The following ITGAM variants were observed in gnomAD, a reference collection of about 807,000 sequenced individuals.
ITGAM encodes the protein integrin subunit alpha M, also known as integrin alpha-M.
In ITGAM, 79 loss-of-function variants were observed where a neutral mutation model predicts 137.5. The observed-to-expected ratio is 0.57, with a 90% CI of 0.48 to 0.69. ITGAM has a LOEUF of 0.69. Among genes scored for constraint, ITGAM ranks in the 30% least tolerant of loss-of-function variants. The pLI, the probability that ITGAM is intolerant of heterozygous loss-of-function variation, is 0.00. For missense variants in ITGAM, 1,343 were observed against 1,483.5 expected (o/e 0.91, Z 1.56); for synonymous variants, 583 against 592.3 (o/e 0.98, Z 0.23).
chr16:31,311,863 T>C (rs1277102089), intron 14 of ITGAM, among the ~76,000 whole-genome samples: 2 of 151,984 alleles, frequency 1.3e-5, no homozygotes, highest in Non-Finnish European at 2.9e-5. Flanking sequence ...CTATTCACAA[T>C]AGCAAAGACT....
rs147106359 is a variant in ITGAM at position 31,284,394 on chromosome 16, C to T, written c.1356+6285C>T. ...CTCCACCCAGTTCGAACTTCCTGGCCGCTTTGTTTACCTACTCAAGCCTCA... is the reference window on the plus strand; with the variant it reads ...CTCCACCCAGTTCGAACTTCCTGGCTGCTTTGTTTACCTACTCAAGCCTCA... On this transcript the variant is annotated intron_variant, in intron 12 of 29. Coordinates refer to ENST00000544665, the MANE Select transcript of ITGAM (RefSeq NM_000632.4). Among the ~76,000 whole-genome samples, 15 of 152,244 alleles carry T rather than the reference C, an allele frequency of 9.9e-5. No homozygotes were observed. The East Asian group carries it at 1.5e-3, about 16-fold the overall frequency.
chr16:31,297,859 G>A lies in ITGAM; in HGVS notation c.1612G>A (p.Val538Met), dbSNP rs1235616243. 4 of 1,614,042 alleles carry A rather than the reference G, an allele frequency of 2.5e-6. No homozygotes were observed. Among genetic ancestry groups the A allele is most frequent in the African/African-American group, 2.7e-5 (2 of 75,032 alleles). The change falls in exon 14 of 30, where the codon GTG becomes ATG. Residue 538 changes from valine to methionine, a missense_variant. Physicochemically the swap from Val to Met is conservative, Grantham distance 21. Transcript: ENST00000544665. ...GDVNGDKLTDVAIGAPGEEDN... is the reference protein window; with the variant it reads ...GDVNGDKLTDMAIGAPGEEDN... ...CGTAAATGGGGACAAGCTGACGGAC[G>A]TGGCCATTGGGGCCCCAGGAGAGGA...
At chr16:31,305,941 CT>C (rs1417140826) in intron 14 of ITGAM, among the ~76,000 whole-genome samples, 1 of 151,748 alleles carries the variant, frequency 6.6e-6, no homozygotes, top group Non-Finnish European at 1.5e-5. Flanking sequence ...TTGTTATATC[CT>C]TTTCTGGTTT....
rs769924136 is a variant in ITGAM, at chr16:31,326,848, C to T, written c.2629-8C>T. 3 of 1,596,838 alleles carry T rather than the reference C, an allele frequency of 1.9e-6. No individual in the cohort carries two copies. Among genetic ancestry groups the T allele is most frequent in the Non-Finnish European group, 2.6e-6 (3 of 1,164,694 alleles). ...TTCTGTCATTGTCTCTCCTTTCTCTCACTCCAGGTCACCTTTAATATCACG... is the reference window on the plus strand; with the variant it reads ...TTCTGTCATTGTCTCTCCTTTCTCTTACTCCAGGTCACCTTTAATATCACG... On this transcript the variant is annotated splice_polypyrimidine_tract_variant and splice_region_variant and intron_variant, in intron 21 of 29. Transcript: ENST00000544665.
intron 12 of ITGAM, among the ~76,000 whole-genome samples, chr16:31,280,864 T>C (rs533369030): frequency 6.0e-4 from 92 of 152,308 alleles, no homozygotes; most frequent in African/African-American, 2.2e-3. Flanking sequence ...TTGTCATAAA[T>C]AGCTCTTCTT....
In ITGAM at chr16:31,324,595, G is replaced by T. The variant is rs372930717; in HGVS notation, c.2157+42G>T. 5.0e-6 allele frequency: 8 copies of T among 1,610,606 alleles called. No homozygotes were observed. The highest frequency in any genetic ancestry group is 5.9e-6 in the Non-Finnish European group (7 of 1,178,402). ...CCAGACCCCTGGGTCTTCCAAGCAT[G>T]GAGTGGGCTTGGGGAGCTGAGGAGG... On this transcript the variant is annotated intron_variant, in intron 17 of 29. Transcript: ENST00000544665. This position sits in a 1 kb window ranked among gnomAD's most constrained non-coding sequence, Gnocchi z 4.5.
rs1475357620 is a variant in ITGAM, at chr16:31,325,507, G to A, written c.2513G>A (p.Arg838His). 10 of 1,613,762 alleles carry A rather than the reference G, an allele frequency of 6.2e-6. No homozygotes were observed. Among genetic ancestry groups the A allele is most frequent in the Admixed American group, 1.7e-5 (1 of 59,982 alleles). ...YRKVSTLQNQ[R>H]SQRSWRLACE... ...GCCTCCCCTGCCTTCCAGAACCAGC[G>A]CTCACAGCGATCCTGGCGCCTGGCC... The change falls in exon 21 of 30, where the codon CGC becomes CAC. Residue 838 changes from arginine to histidine, a missense_variant. By Grantham distance (29) the Arg-to-His change is conservative. Coordinates refer to ENST00000544665, the MANE Select transcript of ITGAM (RefSeq NM_000632.4).
intron 14 of ITGAM, among the ~76,000 whole-genome samples, chr16:31,307,037 T>C (rs2080272103): frequency 2.0e-5 from 3 of 152,196 alleles, no homozygotes; most frequent in Non-Finnish European, 4.4e-5. Flanking sequence ...CCATGCTGTT[T>C]TGGTTACTGT....
intron 14 of ITGAM, among the ~76,000 whole-genome samples, chr16:31,314,822 T>A (rs1158885789): frequency 9.3e-6 from 1 of 107,094 alleles, no homozygotes; most frequent in Non-Finnish European, 1.7e-5. Flanking sequence ...GGAGGCAGGG[T>A]TTTTTTTTTT....
At chr16:31,309,762 G>T (rs1234816693) in intron 14 of ITGAM, among the ~76,000 whole-genome samples, 6 of 152,050 alleles carry the variant, frequency 3.9e-5, no homozygotes, top group African/African-American at 1.4e-4. Flanking sequence ...GGTCTTTACA[G>T]TTTGGCATGT....
Position 31,329,230 on chromosome 16 carries a change from A to T in ITGAM, c.2795A>T (p.His932Leu). 1.9e-6 allele frequency: 3 copies of T among 1,609,404 alleles called. No individual in the cohort carries two copies. The highest frequency in any genetic ancestry group is 2.6e-6 in the Non-Finnish European group (3 of 1,176,168). Residue 932 changes from histidine to leucine, a missense_variant and splice_region_variant, in exon 24 of 30, where the codon CAT (histidine) becomes CTT (leucine). Physicochemically the swap from His to Leu is moderately conservative, Grantham distance 99. Coordinates refer to ENST00000544665, the MANE Select transcript of ITGAM (RefSeq NM_000632.4). Reference protein sequence around the residue: ...KYAVYMVVTSHGVSTKYLNFT... With the variant: ...KYAVYMVVTSLGVSTKYLNFT... ...CTGTCCCTTTTTTCTCCCTTCAGCC[A>T]TGGGGTCTCCACTAAATATCTCAAC...
At chr16:31,274,391 C>G (rs1326455968) in intron 8 of ITGAM, among the ~76,000 whole-genome samples, 1 of 152,130 alleles carries the variant, frequency 6.6e-6, no homozygotes, top group African/African-American at 2.4e-5. Flanking sequence ...GTTAGTCTTG[C>G]AAGGCAGAGT....
At position 31,272,422 on chromosome 16, in the gene ITGAM, A is replaced by AATATATATATATAT. The variant is rs2079850545; in HGVS notation, c.704+430_704+431insATATATATATATAT. On this transcript the variant is annotated intron_variant, in intron 7 of 29. Transcript: ENST00000544665. ...GGAGAGGTTTCCTGAAGGCCAATTA[A>AATATATATATATAT]CTATATATATATATATATATATATA... is the stretch of plus-strand genomic sequence containing the variant. Among the ~76,000 whole-genome samples the AATATATATATATAT allele has an allele frequency of 7.6e-4, 37 of 48,966 alleles. 2 individuals are homozygous for AATATATATATATAT. Among genetic ancestry groups the AATATATATATATAT allele is most frequent in the Non-Finnish European group, 1.1e-3 (30 of 26,480 alleles). The allele number at this position is 48,966 out of a possible 152,430, so 32.1% of individuals were successfully genotyped here. A position where few individuals can be genotyped will look rare whatever the true frequency, so the allele number is the denominator to read the frequency against.
Position 31,297,754 on chromosome 16 carries a change from T to C in ITGAM, c.1507T>C (p.Trp503Arg). 6.3e-7 allele frequency: 1 copy of C among 1,596,148 alleles called. No homozygotes were observed. The highest frequency in any genetic ancestry group is 8.5e-7 in the Non-Finnish European group (1 of 1,172,956). The part of the protein sequence containing the change: ...VCPLPRGRAR[W>R]QCDAVLYGEQ... ...TGTTTGTGTTTAGCAGAGGGCTCGG[T>C]GGCAGTGTGATGCTGTTCTCTACGG... The change falls in exon 14 of 30, where the codon TGG becomes CGG. Residue 503 changes from tryptophan (W) to arginine (R), a missense_variant. By Grantham distance (101) the Trp-to-Arg change is moderately radical. Coordinates refer to ENST00000544665, the MANE Select transcript of ITGAM (RefSeq NM_000632.4).
chr16:31,277,144 A>C (rs573152623), intron 11 of ITGAM, 95 bp downstream of exon 11: 28 of 1,084,752 alleles, frequency 2.6e-5, no homozygotes, highest in Admixed American at 1.1e-4. Flanking sequence ...AATGGGATAC[A>C]TATGTATGGG....
At chr16:31,317,048 A>G (rs772095935) in intron 14 of ITGAM, among the ~76,000 whole-genome samples, 5 of 152,144 alleles carry the variant, frequency 3.3e-5, no homozygotes, top group Non-Finnish European at 7.4e-5. Flanking sequence ...GCAAACAGGG[A>G]CAATTTTTTT....
At chr16:31,329,333 A>G in intron 24 of ITGAM, 30 bp downstream of exon 24, 1 of 1,501,206 alleles carries the variant, frequency 6.7e-7, no homozygotes, top group Non-Finnish European at 9.3e-7. Context: ...GGGTCCTGAG[A>G]AGGAGGCTGG....
At chr16:31,267,416 C>G (rs574226023) in intron 5 of ITGAM, among the ~76,000 whole-genome samples, 3 of 152,222 alleles carry the variant, frequency 2.0e-5, no homozygotes, top group African/African-American at 7.2e-5. Flanking sequence ...TTCCCCTTCT[C>G]TTATTTTATC....
At chr16:31,326,423 A>G (rs999561673) in intron 21 of ITGAM, among the ~76,000 whole-genome samples, 21 of 152,046 alleles carry the variant, frequency 1.4e-4, no homozygotes, top group African/African-American at 5.1e-4. Context: ...TAAATTTTTT[A>G]TATATATTTT....
Sources: allele counts gnomAD v4.1 joint callset (sites outside exome capture counted in the v4.1 genomes callset), GRCh38; gene constraint gnomAD v4.1.1; non-coding constraint Gnocchi (gnomAD v3.1); transcripts MANE v1.5; gene names NCBI Gene and HGNC (gene_info 2026-07-23, HGNC 2026-07-21).